The following WIPF2 variants were observed in gnomAD, a reference collection of about 807,000 sequenced individuals.
The protein encoded by WIPF2 is WAS/WASL-interacting protein family member 2.
A neutral mutation model predicts 38.8 loss-of-function variants in WIPF2; 23 were observed. That is an observed-to-expected ratio of 0.59 (90% confidence interval 0.43 to 0.84). The LOEUF (loss-of-function observed/expected upper bound fraction) is 0.84. Ranked by LOEUF, WIPF2 falls within the 40% of genes least tolerant of loss-of-function variation. WIPF2 has a pLI of 0.00. For missense variants in WIPF2, 574 were observed against 580.5 expected, an observed-to-expected ratio of 0.99 and a Z score of 0.11; for synonymous variants, 210 against 223.2, an observed-to-expected ratio of 0.94 and a Z score of 0.53.
chr17:40,270,813 G>A (rs2032228224), intron 5 of WIPF2, among the ~76,000 whole-genome samples: 1 of 152,088 alleles, frequency 6.6e-6, no homozygotes, highest in Non-Finnish European at 1.5e-5. Context: ...TGGAAACAGT[G>A]AGGAAGAGTT....
intron 1 of WIPF2, among the ~76,000 whole-genome samples, chr17:40,250,825 G>A (rs888017888): frequency 2.6e-5 from 4 of 151,686 alleles, no homozygotes; most frequent in East Asian, 1.9e-4. Context: ...CTATCTTCTC[G>A]GGAGGCTGAG....
chr17:40,249,127 A>T (rs2031470370), intron 1 of WIPF2, among the ~76,000 whole-genome samples: 1 of 152,216 alleles, frequency 6.6e-6, no homozygotes, highest in Admixed American at 6.5e-5. Context: ...AGAAGATAGC[A>T]TTAAGATTTA....
chr17:40,225,396 T>C (rs955108944), intron 1 of WIPF2, among the ~76,000 whole-genome samples: 8 of 152,080 alleles, frequency 5.3e-5, no homozygotes, highest in Admixed American at 2.0e-4. Context: ...AAAGGTGATA[T>C]GTTTGCTAAT....
chr17:40,248,230 T>C (rs8067148), intron 1 of WIPF2, among the ~76,000 whole-genome samples: 12,866 of 138,278 alleles, frequency 0.093, 1,994 homozygotes, highest in African/African-American at 0.32. Context: ...TGTTGCACAA[T>C]CTTGGCTCAC....
chr17:40,251,209 C>T (rs551989717), intron 1 of WIPF2, among the ~76,000 whole-genome samples: 21 of 152,262 alleles, frequency 1.4e-4, no homozygotes, highest in African/African-American at 5.1e-4. Context: ...CCACTGCGTC[C>T]AGCCTATTAG....
intron 1 of WIPF2, among the ~76,000 whole-genome samples, chr17:40,242,050 C>T (rs574989093): frequency 3.8e-4 from 58 of 152,256 alleles, no homozygotes; most frequent in African/African-American, 1.3e-3. Flanking sequence ...TTGGCTCTGA[C>T]ATAGAGTTGA....
intron 2 of WIPF2, among the ~76,000 whole-genome samples, chr17:40,259,933 C>T (rs1170478046): frequency 6.6e-6 from 1 of 152,140 alleles, no homozygotes; most frequent in Non-Finnish European, 1.5e-5. Flanking sequence ...GTCTAACATA[C>T]ATAGTGTCTT....
At chr17:40,238,135 A>T (rs2031049758) in intron 1 of WIPF2, among the ~76,000 whole-genome samples, 1 of 151,240 alleles carries the variant, frequency 6.6e-6, no homozygotes, top group South Asian at 2.1e-4. Flanking sequence ...GGGATTACAG[A>T]CGTGAGCCAC....
intron 1 of WIPF2, among the ~76,000 whole-genome samples, chr17:40,233,473 TG>T (rs2030832726): frequency 6.6e-6 from 1 of 152,084 alleles, no homozygotes; most frequent in Non-Finnish European, 1.5e-5. Flanking sequence ...CTATATAGTA[TG>T]TTTAGGCTGT....
intron 2 of WIPF2, among the ~76,000 whole-genome samples, chr17:40,258,917 A>G (rs938685572): frequency 6.7e-6 from 1 of 149,458 alleles, no homozygotes; most frequent in Non-Finnish European, 1.5e-5. Context: ...AGTAGAGGGG[A>G]CTACATGTGC....
At chr17:40,228,054 C>T (rs1168907450) in intron 1 of WIPF2, among the ~76,000 whole-genome samples, 10 of 101,780 alleles carry the variant, frequency 9.8e-5, no homozygotes, top group African/African-American at 3.2e-4. Context: ...CTCGCTCTGT[C>T]GCCCAGGCTG....
intron 4 of WIPF2, among the ~76,000 whole-genome samples, chr17:40,263,691 G>T (rs2031987402): frequency 6.6e-6 from 1 of 150,984 alleles, no homozygotes; most frequent in Non-Finnish European, 1.5e-5. Flanking sequence ...TACAGGCACA[G>T]GCCACCACAC....
At chr17:40,228,215 C>G (rs944502367) in intron 1 of WIPF2, among the ~76,000 whole-genome samples, 102 of 150,990 alleles carry the variant, frequency 6.8e-4, no homozygotes, top group Middle Eastern at 3.4e-3. Flanking sequence ...CGGGGTTTCA[C>G]CGTTTTAGCC....
intron 7 of WIPF2, 95 bp from the exon 8 acceptor site, chr17:40,278,090 T>C: frequency 7.0e-7 from 1 of 1,419,280 alleles, no homozygotes; most frequent in South Asian, 1.2e-5. Flanking sequence ...AAAGGTTAGC[T>C]TAAAGAGCCT....
At chr17:40,245,670 G>T (rs1206932149) in intron 1 of WIPF2, among the ~76,000 whole-genome samples, 1 of 152,026 alleles carries the variant, frequency 6.6e-6, no homozygotes. Flanking sequence ...GTTGTGGGCG[G>T]CTGTCTTATG....
chr17:40,273,720 T>C, intron 5 of WIPF2, 70 bp from the exon 6 acceptor site: 3 of 966,968 alleles, frequency 3.1e-6, no homozygotes, highest in Non-Finnish European at 5.0e-6. Flanking sequence ...TTTTAGCTCA[T>C]GTGTTTCAAG....
At chr17:40,278,153 A>G (rs772260183) in intron 7 of WIPF2, 32 bp from the exon 8 acceptor site, 21 of 1,604,780 alleles carry the variant, frequency 1.3e-5, no homozygotes, top group Middle Eastern at 1.7e-4. Context: ...GGTGACCTGT[A>G]TGTGTGTGGT....
chr17:40,234,322 G>A (rs934694940), intron 1 of WIPF2, among the ~76,000 whole-genome samples: 2 of 152,150 alleles, frequency 1.3e-5, no homozygotes, highest in African/African-American at 2.4e-5. Context: ...CCAGCTACTC[G>A]GGAGGCTGAG....
chr17:40,246,336 T>C (rs2031361526), intron 1 of WIPF2, among the ~76,000 whole-genome samples: 1 of 151,726 alleles, frequency 6.6e-6, no homozygotes. Context: ...TCTGTCTGCC[T>C]CGGCCTCCCA....
Sources: gnomAD v4.1 joint callset for allele counts (sites outside exome capture counted in the v4.1 genomes callset) on GRCh38, gnomAD v4.1.1 for gene constraint, MANE v1.5 for transcripts, NCBI Gene and HGNC (gene_info 2026-07-23, HGNC 2026-07-21) for gene names.